LUZP2: variants seen among roughly 807,000 people sequenced by gnomAD.
The protein encoded by LUZP2 is leucine zipper protein 2.
Under a neutral mutation model 51.6 loss-of-function variants are expected in LUZP2, and 52 were observed. The ratio of observed to expected loss-of-function variants is 1.01; its 90% CI spans 0.81 to 1.27. LUZP2 has a LOEUF of 1.27. Ranked by LOEUF, LUZP2 falls within the 50% of genes most tolerant of loss-of-function variation. The probability of loss-of-function intolerance (pLI) is 0.00; values close to 1 mark genes in which losing one functional copy is unlikely to be tolerated. For synonymous variants in LUZP2, 154 were observed against 137.3 expected (o/e 1.12, Z -0.85); for missense variants, 436 against 395.4 (o/e 1.10, Z -0.87).
At chr11:24,830,846 T>C (rs1431653253) in intron 5 of LUZP2, among the ~76,000 whole-genome samples, 3 of 151,574 alleles carry the variant, frequency 2.0e-5, no homozygotes, top group Non-Finnish European at 4.4e-5. Context: ...TACAAAAAAT[T>C]AGCCGGGTGT....
chr11:24,859,753 C>T (rs965528049), intron 5 of LUZP2, among the ~76,000 whole-genome samples: 1 of 152,192 alleles, frequency 6.6e-6, no homozygotes, highest in Non-Finnish European at 1.5e-5. Context: ...ACGGGGGAAC[C>T]CCTTTCCCCC....
At chr11:24,900,853 T>C (rs1853257484) in intron 5 of LUZP2, among the ~76,000 whole-genome samples, 1 of 152,230 alleles carries the variant, frequency 6.6e-6, no homozygotes, top group South Asian at 2.1e-4. Flanking sequence ...GGCTGCCTGA[T>C]TTGCAAATCA....
intron 1 of LUZP2, among the ~76,000 whole-genome samples, chr11:24,603,320 T>C (rs914663770): frequency 5.3e-5 from 8 of 151,990 alleles, no homozygotes; most frequent in Non-Finnish European, 1.0e-4. Flanking sequence ...AAGGCTCAGC[T>C]TGACTCATCT....
intron 9 of LUZP2, among the ~76,000 whole-genome samples, chr11:25,018,735 G>A (rs112791726): frequency 1.3e-4 from 19 of 150,892 alleles, no homozygotes; most frequent in African/African-American, 4.4e-4. Flanking sequence ...AGCCTCTCAA[G>A]TAGCTGGAAT....
intron 5 of LUZP2, among the ~76,000 whole-genome samples, chr11:24,859,406 A>G (rs1851667094): frequency 6.6e-6 from 1 of 152,218 alleles, no homozygotes; most frequent in African/African-American, 2.4e-5. Context: ...TTAAGTCAAA[A>G]TGAATCACAG....
intron 5 of LUZP2, among the ~76,000 whole-genome samples, chr11:24,841,973 C>T (rs1465363544): frequency 1.3e-5 from 2 of 151,954 alleles, no homozygotes; most frequent in African/African-American, 4.8e-5. Flanking sequence ...AACTCACATA[C>T]CTCACAATGA....
intron 1 of LUZP2, among the ~76,000 whole-genome samples, chr11:24,720,075 G>T (rs1055870855): frequency 6.6e-6 from 1 of 152,078 alleles, no homozygotes; most frequent in Non-Finnish European, 1.5e-5. Flanking sequence ...TAATTTATTG[G>T]CATTGAAATG....
intron 9 of LUZP2, among the ~76,000 whole-genome samples, chr11:25,017,251 C>T (rs576383004): frequency 1.3e-3 from 194 of 152,244 alleles, no homozygotes; most frequent in African/African-American, 4.5e-3. Context: ...ATTTATTTTT[C>T]TATGAACAAG....
chr11:24,982,160 G>A (rs1183609184), intron 8 of LUZP2, among the ~76,000 whole-genome samples: 2 of 151,866 alleles, frequency 1.3e-5, no homozygotes, highest in Non-Finnish European at 2.9e-5. Context: ...GTAGTTAGTG[G>A]GAGTGTAAAT....
chr11:24,835,254 A>G (rs146463666), intron 5 of LUZP2, among the ~76,000 whole-genome samples: 1,780 of 152,328 alleles, frequency 0.012, 16 homozygotes, highest in Middle Eastern at 0.054. Context: ...CTAGCCAGCC[A>G]TATGCAGAAA....
intron 1 of LUZP2, among the ~76,000 whole-genome samples, chr11:24,649,567 A>G (rs753150564): frequency 5.9e-5 from 9 of 151,970 alleles, no homozygotes; most frequent in Non-Finnish European, 1.2e-4. Flanking sequence ...AATGACATTG[A>G]AGTCTGAGCT....
intron 5 of LUZP2, among the ~76,000 whole-genome samples, chr11:24,879,802 T>G (rs1306431884): frequency 6.6e-6 from 1 of 152,144 alleles, no homozygotes; most frequent in Non-Finnish European, 1.5e-5. Context: ...TGGTGCCCTA[T>G]TCTGTGGCTG....
chr11:24,776,518 A>T (rs1848931574), intron 5 of LUZP2, among the ~76,000 whole-genome samples: 1 of 152,122 alleles, frequency 6.6e-6, no homozygotes, highest in African/African-American at 2.4e-5. Context: ...AAAACTATCA[A>T]ATACTTTTAC....
chr11:24,737,628 G>A lies in LUZP2; in HGVS notation c.252-593G>A, dbSNP rs112628435. On this transcript the variant is annotated intron_variant, in intron 3 of 11. Transcript: ENST00000336930. ...AAAAAGGGAGACAGGATCCTTATGTGCTACTGAGCTTGAGACACAATGAGT... is the reference window on the plus strand; with the variant it reads ...AAAAAGGGAGACAGGATCCTTATGTACTACTGAGCTTGAGACACAATGAGT... Among the ~76,000 whole-genome samples, 449 of 152,192 alleles carry A rather than the reference G, an allele frequency of 3.0e-3. 1 individual carries two copies. Among genetic ancestry groups the A allele is most frequent in the East Asian group, 5.4e-3 (28 of 5,168 alleles).
intron 5 of LUZP2, among the ~76,000 whole-genome samples, chr11:24,820,361 T>C (rs1850321270): frequency 6.6e-6 from 1 of 152,056 alleles, no homozygotes; most frequent in Non-Finnish European, 1.5e-5. Flanking sequence ...GAGGATGTAT[T>C]TGTGTGGATG....
intron 7 of LUZP2, among the ~76,000 whole-genome samples, chr11:24,960,590 A>T (rs1855363127): frequency 6.6e-6 from 1 of 151,884 alleles, no homozygotes; most frequent in Non-Finnish European, 1.5e-5. Flanking sequence ...ATCGGTGGTG[A>T]TATCCCCTTT....
Position 25,050,106 on chromosome 11 carries a change from T to G in LUZP2, c.834T>G (p.Ser278Arg). Residue 278 changes from serine (S) to arginine (R), a missense_variant, in exon 10 of 12, where the codon AGT (serine) becomes AGG (arginine). Transcript: ENST00000336930. ...AGTCAACAAAGGAAGGAAATCCAAG[T>G]ACCACTGCCTGTGACTCTCAAGATG... ...QVESTKEGNP[S>R]TTACDSQDEG... 1 of 1,601,134 alleles carries G rather than the reference T, an allele frequency of 6.2e-7. No individual in the cohort carries two copies. The highest frequency in any genetic ancestry group is 8.5e-7 in the Non-Finnish European group (1 of 1,173,066).
At chr11:24,955,880 T>C (rs1855197279) in intron 7 of LUZP2, among the ~76,000 whole-genome samples, 1 of 152,032 alleles carries the variant, frequency 6.6e-6, no homozygotes, top group Non-Finnish European at 1.5e-5. Flanking sequence ...GAAGTTGTTT[T>C]GTCAAGAGGA....
chr11:25,013,622 T>C (rs1272634342), intron 9 of LUZP2, among the ~76,000 whole-genome samples: 6 of 152,138 alleles, frequency 3.9e-5, no homozygotes, highest in African/African-American at 1.4e-4. Context: ...AGATAAACTA[T>C]TATTTTAATA....
Sources: gnomAD v4.1 joint callset for allele counts (sites outside exome capture counted in the v4.1 genomes callset) on GRCh38, gnomAD v4.1.1 for gene constraint, MANE v1.5 for transcripts, NCBI Gene and HGNC (gene_info 2026-07-23, HGNC 2026-07-21) for gene names.